CELSR1: variants seen among roughly 807,000 people sequenced by gnomAD.
CELSR1 encodes the protein adhesion G protein-coupled receptor C1.
In CELSR1, 110 loss-of-function variants were observed where a neutral mutation model predicts 249.1. That is an observed-to-expected ratio of 0.44 (90% CI 0.38 to 0.52). The LOEUF (loss-of-function observed/expected upper bound fraction) is 0.52, where lower values mean the gene tolerates loss of function less well. Among genes scored for constraint, CELSR1 ranks in the 20% least tolerant of loss-of-function variants. CELSR1 has a pLI of 0.00. For missense variants in CELSR1, 4,109 were observed against 4,296.4 expected, an observed-to-expected ratio of 0.96 and a Z score of 1.22; for synonymous variants, 2,113 against 1,900.0, an observed-to-expected ratio of 1.11 and a Z score of -2.92.
Position 46,396,803 on chromosome 22 carries a change from A to T in CELSR1, c.5702-57T>A. ...CACAATCCACGAGACCTTCCACGTT[A>T]AAATATCTGGAGCAACCTGTCCCCT... On this transcript the variant is annotated intron_variant, in intron 12 of 34. Transcript: ENST00000674500. This position sits in a 1 kb window ranked among gnomAD's most constrained non-coding sequence, Gnocchi z 6.4. 1 of 1,581,706 alleles carries T rather than the reference A, an allele frequency of 6.3e-7. No homozygotes were observed.
chr22:46,439,005 G>A (rs1332024733), intron 3 of CELSR1, among the ~76,000 whole-genome samples, 184 bp downstream of exon 3: 5 of 152,092 alleles, frequency 3.3e-5, no homozygotes, highest in Admixed American at 6.6e-5. Context: ...TGATCCACCC[G>A]CCTCGGCCTC....
Position 46,506,621 on chromosome 22 carries a change from C to G in CELSR1, c.3544+27006G>C, listed in dbSNP as rs2050251570. 6.6e-6 allele frequency among the ~76,000 whole-genome samples: 1 copy of G among 152,218 alleles called. No homozygotes were observed. Among genetic ancestry groups the G allele is most frequent in the Non-Finnish European group, 1.5e-5 (1 of 68,036 alleles). On this transcript the variant is annotated intron_variant, in intron 1 of 34. Coordinates refer to ENST00000674500, the MANE Select transcript of CELSR1 (RefSeq NM_001378328.1). This position sits in a 1 kb window ranked among gnomAD's most constrained non-coding sequence, Gnocchi z 4.1. ...AGACCACTTCCTTAGGGTGATGTTT[C>G]TAGGACTTTCAACATCTACATTCTA...
Position 46,441,867 on chromosome 22 carries a change from AAG to A in CELSR1, c.4184-2458_4184-2457del, listed in dbSNP as rs2079753851. On this transcript the variant is annotated intron_variant, in intron 2 of 34. Transcript: ENST00000674500. The surrounding 1 kb of genome is among the most constrained non-coding windows in gnomAD (Gnocchi z 6.1). ...ACTTTATTATCCATTTTTAAAAATA[AAG>A]AGATCACGGTGGCTCACGCCTGTAA... is the stretch of plus-strand genomic sequence containing the variant. Among the ~76,000 whole-genome samples, 1 of 152,350 alleles carries A rather than the reference AAG, an allele frequency of 6.6e-6. No homozygotes were observed. The highest frequency in any genetic ancestry group is 1.5e-5 in the Non-Finnish European group (1 of 68,036).
In CELSR1 at chr22:46,386,377, A is replaced by AC. The variant is rs780878425; in HGVS notation, c.6739+24dup. On this transcript the variant is annotated intron_variant, in intron 19 of 34. Coordinates refer to ENST00000674500, the MANE Select transcript of CELSR1 (RefSeq NM_001378328.1). Reference sequence around the variant, plus strand: ...ACACCCCTGATGGTAGCAGGGTTCCACCCCCAACGCAGCCAGCGCCTTACT... The same window carrying AC: ...ACACCCCTGATGGTAGCAGGGTTCCACCCCCCAACGCAGCCAGCGCCTTACT... 3 of 1,515,938 alleles carry AC rather than the reference A, an allele frequency of 2.0e-6. No individual in the cohort carries two copies. The South Asian group carries it at 3.9e-5, about 20-fold the overall frequency. The allele number at this position is 1,515,938 out of a possible 1,614,324, so 93.9% of individuals were successfully genotyped here.
intron 1 of CELSR1, among the ~76,000 whole-genome samples, chr22:46,487,005 G>T (rs1602202099): frequency 6.6e-6 from 1 of 150,810 alleles, no homozygotes; most frequent in Admixed American, 6.6e-5. Flanking sequence ...CTGTGTGTCT[G>T]CTCCCGCCCC....
intron 1 of CELSR1, among the ~76,000 whole-genome samples, chr22:46,528,244 C>T (rs1358393155): frequency 2.0e-5 from 3 of 152,138 alleles, no homozygotes; most frequent in East Asian, 3.8e-4. Context: ...ACTGCAATAT[C>T]CTGTATTTAA....
chr22:46,426,802 G>A (rs947591048), intron 5 of CELSR1, among the ~76,000 whole-genome samples: 3 of 152,128 alleles, frequency 2.0e-5, no homozygotes, highest in Non-Finnish European at 2.9e-5. Context: ...GCATTCTTCC[G>A]CCATGTGAGG....
rs186574591 is a variant in CELSR1, at chr22:46,523,327, G to A, written c.3544+10300C>T. ...ACGGTTCAGCTGAGGTCAGGAGCTCGAGACCAGCCTGGCCAAAGTGGTGAA... is the reference window on the plus strand; with the variant it reads ...ACGGTTCAGCTGAGGTCAGGAGCTCAAGACCAGCCTGGCCAAAGTGGTGAA... On this transcript the variant is annotated intron_variant, in intron 1 of 34. Transcript: ENST00000674500. 6.8e-4 allele frequency among the ~76,000 whole-genome samples: 104 copies of A among 152,198 alleles called. 1 individual carries two copies. Among genetic ancestry groups the A allele is most frequent in the African/African-American group, 2.4e-3 (100 of 41,512 alleles).
intron 5 of CELSR1, among the ~76,000 whole-genome samples, chr22:46,424,683 G>A (rs1263513878): frequency 6.6e-6 from 1 of 152,166 alleles, no homozygotes; most frequent in Non-Finnish European, 1.5e-5. Flanking sequence ...TATTAAGAAT[G>A]TCATAAATGC....
In CELSR1 at chr22:46,380,378, G is replaced by A. The variant is rs995864210; in HGVS notation, c.7256+410C>T. ...TCTCGGGCAAGACCGTCAGCAGATG[G>A]GCTCTTAGGCCAGTCTCTGGGTTCT... On this transcript the variant is annotated intron_variant, in intron 22 of 34. Transcript: ENST00000674500. This position sits in a 1 kb window ranked among gnomAD's most constrained non-coding sequence, Gnocchi z 5.1. 2.0e-5 allele frequency among the ~76,000 whole-genome samples: 3 copies of A among 152,192 alleles called. No individual in the cohort carries two copies. The highest frequency in any genetic ancestry group is 4.4e-5 in the Non-Finnish European group (3 of 68,030).
At chr22:46,531,040 A>G (rs5768914) in intron 1 of CELSR1, among the ~76,000 whole-genome samples, 94,574 of 152,090 alleles carry the variant, frequency 0.62, 30,126 homozygotes, top group African/African-American at 0.74. Context: ...TAAAACCTCC[A>G]GATAATTCAA....
At chr22:46,533,539 G>A (rs907171003) in intron 1 of CELSR1, 88 bp downstream of exon 1, 265 of 1,488,710 alleles carry the variant, frequency 1.8e-4, no homozygotes, top group Non-Finnish European at 2.1e-4. Context: ...ATTGCGCCCC[G>A]GCATGCCAGG....
intron 1 of CELSR1, among the ~76,000 whole-genome samples, chr22:46,524,539 T>C (rs1045366906): frequency 1.4e-5 from 1 of 71,352 alleles, no homozygotes; most frequent in Non-Finnish European, 2.7e-5. Context: ...CCCCGTTGTG[T>C]GCGTGTGTGT....
rs570645782 is a variant in CELSR1 at position 46,405,157 on chromosome 22, A to C, written c.5226+3839T>G. The stretch of plus-strand genomic sequence containing the variant: ...TGTTTTCTTTTGTTCTATAGAAGTC[A>C]GCTTATTAATTTCCTTTGCTTGGCC... On this transcript the variant is annotated intron_variant, in intron 9 of 34. Transcript: ENST00000674500. Among the ~76,000 whole-genome samples, 4 of 151,154 alleles carry C rather than the reference A, an allele frequency of 2.6e-5. No individual in the cohort carries two copies. In the South Asian group the frequency reaches 8.5e-4, roughly 32 times the overall value.
intron 1 of CELSR1, among the ~76,000 whole-genome samples, chr22:46,528,998 G>T (rs982928307): frequency 6.6e-6 from 1 of 150,816 alleles, no homozygotes; most frequent in African/African-American, 2.5e-5. Context: ...GGGCACAGTG[G>T]CTCACGCCTA....
chr22:46,422,651 C>T (rs2079489708), intron 5 of CELSR1, among the ~76,000 whole-genome samples: 1 of 151,198 alleles, frequency 6.6e-6, no homozygotes, highest in Non-Finnish European at 1.5e-5. Flanking sequence ...CCTGTAGTCC[C>T]AGCTACTCAG....
At chr22:46,397,903 T>C (rs753959500) in intron 11 of CELSR1, 55 bp from the exon 12 acceptor site, 38 of 1,389,800 alleles carry the variant, frequency 2.7e-5, no homozygotes, top group Middle Eastern at 1.9e-4. Context: ...TATGTAGGGG[T>C]TAAGGGAACC....
At chr22:46,386,351 C>T (rs754098867) in intron 19 of CELSR1, 51 bp downstream of exon 19, 17 of 1,454,376 alleles carry the variant, frequency 1.2e-5, no homozygotes, top group Non-Finnish European at 1.5e-5. Context: ...AGCTCTGGGG[C>T]ACACCCCTGA....
In CELSR1 at chr22:46,410,267, A is replaced by C. The variant is rs1348858810; in HGVS notation, c.4933+131T>G. 5.3e-6 allele frequency: 6 copies of C among 1,142,332 alleles called. No individual in the cohort carries two copies. The highest frequency in any genetic ancestry group is 1.5e-5 in the African/African-American group (1 of 64,960). 70.8% of individuals were successfully genotyped at this position (1,142,332 alleles called of 1,614,324 possible). A position where few individuals can be genotyped will look rare whatever the true frequency, so the allele number is the denominator to read the frequency against. ...CCGGGTTCCATCCCAGGAGCTGCCCACCGCTGGACACATACATTTCTAAGA... is the reference window on the plus strand; with the variant it reads ...CCGGGTTCCATCCCAGGAGCTGCCCCCCGCTGGACACATACATTTCTAAGA... On this transcript the variant is annotated intron_variant, in intron 7 of 34. Transcript: ENST00000674500. This position sits in a 1 kb window ranked among gnomAD's most constrained non-coding sequence, Gnocchi z 6.8.
Sources: allele counts gnomAD v4.1 joint callset (sites outside exome capture counted in the v4.1 genomes callset), GRCh38; gene constraint gnomAD v4.1.1; non-coding constraint Gnocchi (gnomAD v3.1); transcripts MANE v1.5; gene names NCBI Gene and HGNC (gene_info 2026-07-23, HGNC 2026-07-21).